Variants in ZBTB20 observed in about 807,000 individuals in gnomAD.
The protein encoded by ZBTB20 is zinc finger and BTB domain-containing protein 20.
In ZBTB20, 9 loss-of-function variants were observed where a neutral mutation model predicts 56.9. The observed-to-expected ratio is 0.16, with a 90% CI of 0.10 to 0.28. The LOEUF (loss-of-function observed/expected upper bound fraction) is 0.28. Among genes scored for constraint, ZBTB20 ranks in the 10% least tolerant of loss-of-function variants. The pLI is 1.00. For missense variants in ZBTB20, 655 were observed against 1,003.0 expected (o/e 0.65, Z 4.69); for synonymous variants, 417 against 420.7 (o/e 0.99, Z 0.11).
At chr3:114,659,999 A>T (rs914207183) in intron 6 of ZBTB20, among the ~76,000 whole-genome samples, 4 of 151,940 alleles carry the variant, frequency 2.6e-5, no homozygotes, top group South Asian at 4.1e-4. Context: ...AAAATTTTTT[A>T]AAAATTCTAG....
At chr3:114,400,781 T>C (rs559493683) in intron 7 of ZBTB20, among the ~76,000 whole-genome samples, 1 of 151,984 alleles carries the variant, frequency 6.6e-6, no homozygotes, top group South Asian at 2.1e-4. Flanking sequence ...TGATTTCACC[T>C]GGCAGCCCCA....
At chr3:115,112,533 C>T (rs1194148207) in intron 1 of ZBTB20, among the ~76,000 whole-genome samples, 1 of 152,156 alleles carries the variant, frequency 6.6e-6, no homozygotes, top group Non-Finnish European at 1.5e-5. Flanking sequence ...TTTTAGCTCC[C>T]ACATGAGTGA....
chr3:114,858,979 T>A, intron 4 of ZBTB20, among the ~76,000 whole-genome samples: 1 of 152,176 alleles, frequency 6.6e-6, no homozygotes. Context: ...GCTGGTATGA[T>A]CTCACATGAA....
intron 5 of ZBTB20, among the ~76,000 whole-genome samples, chr3:114,770,495 A>AT (rs2069120287): frequency 6.6e-6 from 1 of 151,202 alleles, no homozygotes; most frequent in Non-Finnish European, 1.5e-5. Flanking sequence ...TACCACCTGT[A>AT]CCCCAATAAC....
At chr3:114,496,557 C>T (rs898251597) in intron 7 of ZBTB20, among the ~76,000 whole-genome samples, 8 of 152,158 alleles carry the variant, frequency 5.3e-5, no homozygotes, top group Admixed American at 2.0e-4. Flanking sequence ...AACACACCCA[C>T]GCATATCCTC....
At chr3:114,581,758 G>A (rs981454363) in intron 6 of ZBTB20, among the ~76,000 whole-genome samples, 7 of 151,740 alleles carry the variant, frequency 4.6e-5, no homozygotes, top group African/African-American at 1.7e-4. Flanking sequence ...ATTTTAAAAA[G>A]TCTGACCATC....
At chr3:114,633,758 G>A (rs1388926112) in intron 6 of ZBTB20, among the ~76,000 whole-genome samples, 1 of 152,052 alleles carries the variant, frequency 6.6e-6, no homozygotes, top group Non-Finnish European at 1.5e-5. Context: ...GCAATGAAGA[G>A]GAAATACAAA....
chr3:114,551,981 G>A (rs183097357), intron 6 of ZBTB20, among the ~76,000 whole-genome samples: 1 of 152,222 alleles, frequency 6.6e-6, no homozygotes, highest in Non-Finnish European at 1.5e-5. Context: ...AAGCCCATGT[G>A]GGGGGATCAC....
intron 2 of ZBTB20, among the ~76,000 whole-genome samples, chr3:115,069,036 G>A (rs2082309189): frequency 6.6e-6 from 1 of 152,118 alleles, no homozygotes; most frequent in South Asian, 2.1e-4. Context: ...AAGAGCACAT[G>A]CTTAGGGAGG....
At chr3:114,629,234 GGAT>G (rs1243192053) in intron 6 of ZBTB20, among the ~76,000 whole-genome samples, 1 of 151,906 alleles carries the variant, frequency 6.6e-6, no homozygotes, top group African/African-American at 2.4e-5. Flanking sequence ...TGTAAAATAG[GGAT>G]GATAATAATA....
chr3:114,515,833 G>A (rs961832715), intron 6 of ZBTB20, among the ~76,000 whole-genome samples: 20 of 152,068 alleles, frequency 1.3e-4, no homozygotes, highest in Admixed American at 3.9e-4. Context: ...TGCTTTAGCT[G>A]TCTTCATTTA....
intron 1 of ZBTB20, among the ~76,000 whole-genome samples, chr3:115,107,237 G>A (rs931474923): frequency 7.9e-5 from 12 of 152,018 alleles, no homozygotes; most frequent in Non-Finnish European, 1.8e-4. Context: ...GACCAGCCTG[G>A]ACAATATACT....
intron 8 of ZBTB20, among the ~76,000 whole-genome samples, chr3:114,386,090 G>C: frequency 6.6e-6 from 1 of 152,142 alleles, no homozygotes; most frequent in Non-Finnish European, 1.5e-5. Context: ...TGAGGGTTGA[G>C]CAAGCTGCAC....
chr3:114,789,832 ATATT>A lies in ZBTB20; in HGVS notation c.-343+11265_-343+11268del, dbSNP rs148459890. Among the ~76,000 whole-genome samples, 6 of 152,290 alleles carry A rather than the reference ATATT, an allele frequency of 3.9e-5. No individual in the cohort carries two copies. The East Asian group carries it at 1.2e-3, about 29-fold the overall frequency. ...AGGTGAGAAGAAGATAAACAGGTAA[ATATT>A]TAAGCAGATTATAGAGTTCTGGAAA... On this transcript the variant is annotated intron_variant, in intron 5 of 11. Coordinates refer to ENST00000675478, the MANE Select transcript of ZBTB20 (RefSeq NM_001348800.3).
At chr3:114,928,141 A>G (rs1353532643) in intron 3 of ZBTB20, among the ~76,000 whole-genome samples, 1 of 152,240 alleles carries the variant, frequency 6.6e-6, no homozygotes, top group Non-Finnish European at 1.5e-5. Context: ...TTCTATAACT[A>G]CATAACTTTA....
Position 114,355,526 on chromosome 3 carries a change from A to G in ZBTB20, c.200-3648T>C, listed in dbSNP as rs531478490. ...CAAGCATGCCTCATTCCTCCAGCAC[A>G]CAATGCTGAGGCAATTCCTTTCCCA... On this transcript the variant is annotated intron_variant, in intron 10 of 11. Transcript: ENST00000675478. Among the ~76,000 whole-genome samples, 7 of 152,344 alleles carry G rather than the reference A, an allele frequency of 4.6e-5. No individual in the cohort carries two copies. The East Asian group carries it at 1.3e-3, about 29-fold the overall frequency.
intron 3 of ZBTB20, among the ~76,000 whole-genome samples, chr3:114,923,977 C>T (rs1305974544): frequency 6.6e-6 from 1 of 152,078 alleles, no homozygotes; most frequent in Non-Finnish European, 1.5e-5. Flanking sequence ...AAGTGCTCAA[C>T]ATCAATAATC....
intron 6 of ZBTB20, among the ~76,000 whole-genome samples, chr3:114,573,740 C>T (rs1368160637): frequency 1.3e-5 from 2 of 151,816 alleles, no homozygotes; most frequent in Admixed American, 6.6e-5. Context: ...ATCTATGTAT[C>T]CCATATTTTA....
chr3:114,496,888 A>C (rs1038472026), intron 7 of ZBTB20, among the ~76,000 whole-genome samples: 2 of 152,176 alleles, frequency 1.3e-5, no homozygotes, highest in Non-Finnish European at 2.9e-5. Context: ...GGACACTGGG[A>C]ATGTCTTCTC....
Sources: gnomAD v4.1 joint callset for allele counts (sites outside exome capture counted in the v4.1 genomes callset) on GRCh38, gnomAD v4.1.1 for gene constraint, MANE v1.5 for transcripts, NCBI Gene and HGNC (gene_info 2026-07-23, HGNC 2026-07-21) for gene names.